The following DDX17 variants were observed in gnomAD, a reference collection of about 807,000 sequenced individuals.
The protein encoded by DDX17 is probable ATP-dependent RNA helicase DDX17.
A neutral mutation model predicts 80.8 loss-of-function variants in DDX17; 10 were observed. That is an observed-to-expected ratio of 0.12 (90% CI 0.08 to 0.21). The LOEUF (loss-of-function observed/expected upper bound fraction) is 0.21, where lower values mean the gene tolerates loss of function less well. DDX17 is among the 10% of genes least tolerant of loss of function. The pLI, the probability that DDX17 is intolerant of heterozygous loss-of-function variation, is 1.00. For synonymous variants in DDX17, 339 were observed against 336.2 expected, an observed-to-expected ratio of 1.01 and a Z score of -0.09; for missense variants, 586 against 957.4, an observed-to-expected ratio of 0.61 and a Z score of 5.12.
chr22:38,490,013 G>A (rs2089697634), intron 11 of DDX17: 8 of 1,043,434 alleles, frequency 7.7e-6, no homozygotes, highest in Non-Finnish European at 9.3e-6. Flanking sequence ...CAGTTCACAT[G>A]CTAATACTTG....
At chr22:38,498,642 CTT>C (rs1569141654) in intron 3 of DDX17, 69 bp from the exon 4 acceptor site, 6 of 1,541,198 alleles carry the variant, frequency 3.9e-6, no homozygotes, top group Non-Finnish European at 4.4e-6. Flanking sequence ...TTTAAAAAAA[CTT>C]TTAAGCTCAC....
intron 1 of DDX17, 138 bp downstream of exon 1, chr22:38,505,813 C>T: frequency 8.7e-7 from 1 of 1,151,798 alleles, no homozygotes; most frequent in Non-Finnish European, 1.2e-6. Flanking sequence ...CGCACGAAAC[C>T]GCTGTCTCGC....
chr22:38,487,829 G>GT (rs1289654634), intron 12 of DDX17, 50 bp downstream of exon 12: 1 of 1,604,902 alleles, frequency 6.2e-7, no homozygotes, highest in Non-Finnish European at 8.5e-7. Flanking sequence ...CACAGAAGGC[G>GT]TAAAGAGATA....
Position 38,506,214 on chromosome 22 carries a change from C to A in DDX17, c.24G>T (p.Pro8=). 1.9e-6 allele frequency: 3 copies of A among 1,606,848 alleles called. No homozygotes were observed. Among genetic ancestry groups the A allele is most frequent in the Admixed American group, 1.7e-5 (1 of 58,872 alleles). Reference sequence around the variant, plus strand: ...GAGACGGGAGCAAAACACAGAGAATCGGGGCTACAAAGCCGGTGGGCAGGT... The same window carrying A: ...GAGACGGGAGCAAAACACAGAGAATAGGGGCTACAAAGCCGGTGGGCAGGT... Residue 8 remains proline, a synonymous_variant, in exon 1 of 13, where the codon CCG becomes CCT. Coordinates refer to ENST00000403230, the MANE Select transcript of DDX17 (RefSeq NM_006386.5).
Position 38,485,740 on chromosome 22 carries a change from G to T in DDX17, c.*195C>A. On this transcript the variant is annotated 3_prime_UTR_variant, in exon 13 of 13. Transcript: ENST00000403230. Reference sequence around the variant, plus strand: ...TGTTATTCCAGACTGGATCATTTTGGTGGGCAGAAGAAACCTGGCAGTGAA... The same window carrying T: ...TGTTATTCCAGACTGGATCATTTTGTTGGGCAGAAGAAACCTGGCAGTGAA... The T allele has an allele frequency of 1.8e-6, 1 of 550,644 alleles. No homozygotes were observed. The highest frequency in any genetic ancestry group is 2.8e-6 in the Non-Finnish European group (1 of 356,068). 34.1% of individuals were successfully genotyped at this position (550,644 alleles called of 1,614,324 possible). A position where few individuals can be genotyped will look rare whatever the true frequency, so the allele number is the denominator to read the frequency against.
In DDX17 at chr22:38,498,260, A is replaced by G. The variant is rs928592620; in HGVS notation, c.673-110T>C. 18 of 1,414,988 alleles carry G rather than the reference A, an allele frequency of 1.3e-5. No homozygotes were observed. In the African/African-American group the frequency reaches 2.4e-4, roughly 19 times the overall value. 87.7% of individuals were successfully genotyped at this position (1,414,988 alleles called of 1,614,324 possible). On this transcript the variant is annotated intron_variant, in intron 4 of 12. Coordinates refer to ENST00000403230, the MANE Select transcript of DDX17 (RefSeq NM_006386.5). ...AATAGGAAAGTGAAAAACAGAACTT[A>G]CCACTGCTATATACAGGAAGCAATA... is the stretch of plus-strand genomic sequence containing the variant.
Position 38,506,040 on chromosome 22 carries a change from G to C in DDX17, c.198C>G (p.Ala66=). 1 of 1,586,434 alleles carries C rather than the reference G, an allele frequency of 6.3e-7. No homozygotes were observed. ...AGAGATCTGGGAGCGGGGCACGGAT[G>C]GCCGGGCTCGGGAGGGCCTGCGGCT... Residue 66 remains alanine (A), a synonymous_variant, in exon 1 of 13, where the codon GCC becomes GCG. Coordinates refer to ENST00000403230, the MANE Select transcript of DDX17 (RefSeq NM_006386.5).
intron 3 of DDX17, 55 bp from the exon 4 acceptor site, chr22:38,498,628 A>G: frequency 6.3e-7 from 1 of 1,589,204 alleles, no homozygotes; most frequent in Non-Finnish European, 8.6e-7. Context: ...ACAAACCAAG[A>G]GTTTTTAAAA....
chr22:38,490,530 G>C (rs919126496), intron 11 of DDX17: 2 of 1,064,892 alleles, frequency 1.9e-6, no homozygotes, highest in African/African-American at 3.3e-5. Context: ...TATCCCAGTG[G>C]AAAGGGAAGT....
Position 38,488,905 on chromosome 22 carries a change from C to T in DDX17, c.1448-790G>A, listed in dbSNP as rs991248553. On this transcript the variant is annotated intron_variant, in intron 11 of 12. Transcript: ENST00000403230. ...TGTTTCAATTATCAATGATTGTCTA[C>T]GTGACCTGGGAAATTAAATTAATAG... is the stretch of plus-strand genomic sequence containing the variant. 1.1e-5 allele frequency: 11 copies of T among 985,192 alleles called. No homozygotes were observed. In the South Asian group the frequency reaches 1.9e-4, roughly 17 times the overall value. The allele number at this position is 985,192 out of a possible 1,614,324, so 61.0% of individuals were successfully genotyped here.
Position 38,486,225 on chromosome 22 carries a change from T to A in DDX17, c.1900A>T (p.Thr634Ser). Reference sequence around the variant, plus strand: ...GCCCCATAGGTGCCTTGACCATAGGTGTATTGGCCTGCTTGTGCTCCAAAG... The same window carrying A: ...GCCCCATAGGTGCCTTGACCATAGGAGTATTGGCCTGCTTGTGCTCCAAAG... Residue 634 changes from threonine (T) to serine (S), a missense_variant, in exon 13 of 13, where the codon ACC becomes TCC. Thr to Ser is a moderately conservative substitution (Grantham distance 58). Transcript: ENST00000403230. 6.2e-7 allele frequency: 1 copy of A among 1,614,078 alleles called. No individual in the cohort carries two copies. The highest frequency in any genetic ancestry group is 8.5e-7 in the Non-Finnish European group (1 of 1,179,962).
intron 1 of DDX17, among the ~76,000 whole-genome samples, chr22:38,504,880 A>G (rs1005639687): frequency 2.0e-5 from 3 of 151,820 alleles, no homozygotes; most frequent in East Asian, 1.9e-4. Flanking sequence ...ACACACACAC[A>G]TATCAAGTGG....
rs780145261 is a variant in DDX17 at position 38,486,225 on chromosome 22, T to C, written c.1900A>G (p.Thr634Ala). The change falls in exon 13 of 13, where the codon ACC (threonine) becomes GCC (alanine). Residue 634 changes from threonine (T) to alanine (A), a missense_variant. Around this residue, in one of 4 missense-constraint regions of DDX17, gnomAD observed 221 missense variants for 261.4 expected, o/e 0.85. Transcript: ENST00000403230. ...GCCCCATAGGTGCCTTGACCATAGG[T>C]GTATTGGCCTGCTTGTGCTCCAAAG... 6.2e-7 allele frequency: 1 copy of C among 1,614,078 alleles called. No homozygotes were observed. The highest frequency in any genetic ancestry group is 8.5e-7 in the Non-Finnish European group (1 of 1,179,962).
chr22:38,504,907 G>C (rs1369545793), intron 1 of DDX17, among the ~76,000 whole-genome samples: 1 of 151,462 alleles, frequency 6.6e-6, no homozygotes, highest in Admixed American at 6.6e-5. Context: ...GTAACTCTTT[G>C]GGGAAGCGGG....
chr22:38,486,970 C>G lies in DDX17; in HGVS notation c.1685-530G>C, dbSNP rs187007304. 5.9e-5 allele frequency among the ~76,000 whole-genome samples: 9 copies of G among 152,294 alleles called. No homozygotes were observed. The East Asian group carries it at 1.5e-3, about 26-fold the overall frequency. ...GGAGGGTCACTTGAGGTCAGCAGTT[C>G]AAGACCAGCCAACATGGTGAAACCC... is the stretch of plus-strand genomic sequence containing the variant. On this transcript the variant is annotated intron_variant, in intron 12 of 12. Transcript: ENST00000403230.
chr22:38,505,867 C>T (rs2089876990), intron 1 of DDX17, 84 bp downstream of exon 1: 6 of 1,479,670 alleles, frequency 4.1e-6, no homozygotes, highest in Non-Finnish European at 4.5e-6. Context: ...AGCAAGGCTC[C>T]CAGGCTCGCA....
At position 38,483,867 on chromosome 22, in the gene DDX17, G is replaced by C. The variant is rs555338032; in HGVS notation, c.*2068C>G. ...CATGGAGGCAGAAGAGTTAAACTCT[G>C]CTAGATTTCAGCTGTGCTCAGGCCA... On this transcript the variant is annotated 3_prime_UTR_variant, in exon 13 of 13. Transcript: ENST00000403230. 2.6e-5 allele frequency: 4 copies of C among 152,178 alleles called. No individual in the cohort carries two copies. The South Asian group carries it at 8.3e-4, about 32-fold the overall frequency. The allele number at this position is 152,178 out of a possible 1,614,324, so 9.4% of individuals were successfully genotyped here.
Position 38,489,330 on chromosome 22 carries a change from G to C in DDX17, c.1448-1215C>G. The C allele has an allele frequency of 1.0e-6, 1 of 985,630 alleles. No individual in the cohort carries two copies. The highest frequency in any genetic ancestry group is 1.2e-6 in the Non-Finnish European group (1 of 829,916). The allele number at this position is 985,630 out of a possible 1,614,324, so 61.1% of individuals were successfully genotyped here. A position where few individuals can be genotyped will look rare whatever the true frequency, so the allele number is the denominator to read the frequency against. On this transcript the variant is annotated intron_variant, in intron 11 of 12. Transcript: ENST00000403230. The surrounding 1 kb of genome is among the most constrained non-coding windows in gnomAD (Gnocchi z 4.6). Reference sequence around the variant, plus strand: ...TTTCGAAAACTCCGCCTTCTGACACGGGACCACTGGAGCGCGGGGAGCATG... The same window carrying C: ...TTTCGAAAACTCCGCCTTCTGACACCGGACCACTGGAGCGCGGGGAGCATG...
In DDX17 at chr22:38,506,100, C is replaced by T; in HGVS notation, c.138G>A (p.Ala46=). 1.3e-6 allele frequency: 2 copies of T among 1,578,318 alleles called. No individual in the cohort carries two copies. Among genetic ancestry groups the T allele is most frequent in the Non-Finnish European group, 1.7e-6 (2 of 1,162,822 alleles). Residue 46 remains alanine (A), a synonymous_variant, in exon 1 of 13, where the codon GCG becomes GCA. Transcript: ENST00000403230. Reference sequence around the variant, plus strand: ...TGACGACCGATGGCGGCGGCGCCTCCGCTGTTGGGGCGGCGGCAGGCGCAG... The same window carrying T: ...TGACGACCGATGGCGGCGGCGCCTCTGCTGTTGGGGCGGCGGCAGGCGCAG...
Sources: gnomAD v4.1 joint callset for allele counts (sites outside exome capture counted in the v4.1 genomes callset) on GRCh38, gnomAD v4.1.1 for gene constraint, gnomAD v4.1.1 regional missense constraint, Gnocchi (gnomAD v3.1) non-coding constraint, MANE v1.5 for transcripts, NCBI Gene and HGNC (gene_info 2026-07-23, HGNC 2026-07-21) for gene names.